Variants in PTPRD observed in about 807,000 individuals in gnomAD.
PTPRD encodes receptor-type tyrosine-protein phosphatase delta.
In PTPRD, 34 loss-of-function variants were observed where a neutral mutation model predicts 214.5. The observed-to-expected ratio is 0.16, with a 90% confidence interval of 0.12 to 0.21. The LOEUF (loss-of-function observed/expected upper bound fraction) is 0.21, where lower values mean the gene tolerates loss of function less well. PTPRD is among the 10% of genes least tolerant of loss of function. The pLI is 1.00. For synonymous variants in PTPRD, 1,128 were observed against 845.7 expected, an observed-to-expected ratio of 1.33 and a Z score of -5.79; for missense variants, 2,545 against 2,398.7, an observed-to-expected ratio of 1.06 and a Z score of -1.27.
chr9:9,618,477 G>A (rs1298298576), intron 7 of PTPRD, among the ~76,000 whole-genome samples: 1 of 152,244 alleles, frequency 6.6e-6, no homozygotes, highest in South Asian at 2.1e-4. Flanking sequence ...TTGAGAACAT[G>A]AGCTATGGCA....
At chr9:10,369,740 G>C (rs1208431156) in intron 2 of PTPRD, among the ~76,000 whole-genome samples, 1 of 151,980 alleles carries the variant, frequency 6.6e-6, no homozygotes, top group African/African-American at 2.4e-5. Flanking sequence ...CAGACAGTAA[G>C]TCTTGAAAGC....
At chr9:10,194,832 T>C (rs970472042) in intron 3 of PTPRD, among the ~76,000 whole-genome samples, 1 of 152,160 alleles carries the variant, frequency 6.6e-6, no homozygotes, top group Admixed American at 6.6e-5. Flanking sequence ...TCTATACTTT[T>C]TAAGGATCAT....
intron 3 of PTPRD, among the ~76,000 whole-genome samples, chr9:10,183,003 T>C (rs568342987): frequency 4.2e-4 from 64 of 152,268 alleles, no homozygotes; most frequent in African/African-American, 1.5e-3. Context: ...AGTTATTTAA[T>C]CTCTTGCTGT....
intron 2 of PTPRD, among the ~76,000 whole-genome samples, chr9:10,548,058 A>G (rs1215316365): frequency 6.6e-6 from 1 of 152,112 alleles, no homozygotes; most frequent in African/African-American, 2.4e-5. Flanking sequence ...GGTGGAAAAC[A>G]TTTTATGAGC....
chr9:8,424,817 G>A (rs2094559512), intron 35 of PTPRD, among the ~76,000 whole-genome samples: 1 of 152,070 alleles, frequency 6.6e-6, no homozygotes, highest in Non-Finnish European at 1.5e-5. Context: ...GGACTGATGA[G>A]TGCCTGCTGT....
intron 2 of PTPRD, among the ~76,000 whole-genome samples, chr9:10,383,972 A>G (rs1341244511): frequency 6.6e-6 from 1 of 151,608 alleles, no homozygotes; most frequent in African/African-American, 2.4e-5. Flanking sequence ...CAAAATCATT[A>G]AAGAGGGCAG....
intron 11 of PTPRD, among the ~76,000 whole-genome samples, chr9:8,767,627 C>T (rs2094862224): frequency 6.6e-6 from 1 of 152,128 alleles, no homozygotes; most frequent in South Asian, 2.1e-4. Context: ...AGAAAACAAA[C>T]TCTAAAAGCT....
chr9:10,400,884 T>C (rs1413220828), intron 2 of PTPRD, among the ~76,000 whole-genome samples: 1 of 151,630 alleles, frequency 6.6e-6, no homozygotes, highest in Admixed American at 6.6e-5. Context: ...TTGTATTCAA[T>C]GCTATTTAAC....
chr9:9,556,214 G>C (rs2081470470), intron 8 of PTPRD, among the ~76,000 whole-genome samples: 1 of 152,120 alleles, frequency 6.6e-6, no homozygotes, highest in African/African-American at 2.4e-5. Flanking sequence ...AAAATCATTA[G>C]AAAGCGAAAA....
chr9:9,590,933 C>T (rs1257891142), intron 7 of PTPRD, among the ~76,000 whole-genome samples: 1 of 151,928 alleles, frequency 6.6e-6, no homozygotes, highest in Non-Finnish European at 1.5e-5. Context: ...AGATGCAAAG[C>T]TTTATGTAAT....
chr9:10,363,991 G>GTTTTTTTGTTTTTTT lies in PTPRD; in HGVS notation c.-599-22975_-599-22974insAAAAAAACAAAAAAA, dbSNP rs1485501417. Reference sequence around the variant, plus strand: ...ATTATTATTGCCTCCACATTTTCGGGTTTTTTTTTTTTTTTTTTTTTTTTT... The same window carrying GTTTTTTTGTTTTTTT: ...ATTATTATTGCCTCCACATTTTCGGGTTTTTTTGTTTTTTTTTTTTTTTTTTTTTTTTTTTTTTTT... On this transcript the variant is annotated intron_variant, in intron 2 of 45. Coordinates refer to ENST00000381196, the MANE Select transcript of PTPRD (RefSeq NM_002839.4). Among the ~76,000 whole-genome samples the GTTTTTTTGTTTTTTT allele has an allele frequency of 1.2e-3, 42 of 35,124 alleles. 2 individuals carry two copies. The highest frequency in any genetic ancestry group is 2.8e-3 in the East Asian group (5 of 1,790). 23.0% of individuals were successfully genotyped at this position (35,124 alleles called of 152,430 possible).
intron 3 of PTPRD, among the ~76,000 whole-genome samples, chr9:10,072,910 T>C (rs904855759): frequency 6.6e-6 from 1 of 152,152 alleles, no homozygotes; most frequent in African/African-American, 2.4e-5. Context: ...AATAACTTCC[T>C]TAAACTGGAA....
intron 39 of PTPRD, among the ~76,000 whole-genome samples, chr9:8,344,650 G>A (rs1000405331): frequency 2.0e-5 from 3 of 151,972 alleles, no homozygotes; most frequent in African/African-American, 7.2e-5. Context: ...GGAACTTAAT[G>A]TGTTACCTTC....
chr9:9,483,685 T>C (rs376811753), intron 8 of PTPRD, among the ~76,000 whole-genome samples: 138 of 152,094 alleles, frequency 9.1e-4, no homozygotes, highest in East Asian at 2.3e-3. Flanking sequence ...ACCATGAACA[T>C]AGAGGAGGCT....
At chr9:9,392,480 T>C (rs1001528776) in intron 9 of PTPRD, among the ~76,000 whole-genome samples, 23 of 152,266 alleles carry the variant, frequency 1.5e-4, no homozygotes, top group African/African-American at 5.5e-4. Context: ...GATACAAAAT[T>C]ACCACGGTCC....
intron 2 of PTPRD, among the ~76,000 whole-genome samples, chr9:10,602,433 G>C (rs568829356): frequency 6.6e-6 from 1 of 151,854 alleles, no homozygotes; most frequent in East Asian, 1.9e-4. Context: ...AAAAAAATTT[G>C]ATGAATATGG....
intron 12 of PTPRD, among the ~76,000 whole-genome samples, chr9:8,643,500 T>C (rs908514908): frequency 6.6e-6 from 1 of 152,156 alleles, no homozygotes; most frequent in Non-Finnish European, 1.5e-5. Context: ...CAGCAGGCCA[T>C]GTGGAGCGGC....
At chr9:8,490,550 G>A (rs1398992423) in intron 27 of PTPRD, among the ~76,000 whole-genome samples, 2 of 152,134 alleles carry the variant, frequency 1.3e-5, no homozygotes, top group Admixed American at 1.3e-4. Flanking sequence ...TGAAATTCAT[G>A]TAAAAATATA....
chr9:8,352,927 A>G (rs537691319), intron 39 of PTPRD, among the ~76,000 whole-genome samples: 47 of 152,234 alleles, frequency 3.1e-4, no homozygotes, highest in African/African-American at 9.4e-4. Flanking sequence ...CCTGGCCAAC[A>G]TGGTGAAACC....
Sources: gnomAD v4.1 joint callset for allele counts (sites outside exome capture counted in the v4.1 genomes callset) on GRCh38, gnomAD v4.1.1 for gene constraint, MANE v1.5 for transcripts, NCBI Gene and HGNC (gene_info 2026-07-23, HGNC 2026-07-21) for gene names.